Variants in DZIP3 observed in about 807,000 individuals in gnomAD.
The protein encoded by DZIP3 is DAZ interacting zinc finger protein 3.
A neutral mutation model predicts 162.0 loss-of-function variants in DZIP3; 118 were observed. That is an observed-to-expected ratio of 0.73 (90% CI 0.63 to 0.85). The LOEUF (loss-of-function observed/expected upper bound fraction) is 0.85, where lower values mean the gene tolerates loss of function less well. Among genes scored for constraint, DZIP3 ranks in the 40% least tolerant of loss-of-function variants. The pLI, the probability that DZIP3 is intolerant of heterozygous loss-of-function variation, is 0.00. For missense variants in DZIP3, 1,331 were observed against 1,407.0 expected, an observed-to-expected ratio of 0.95 and a Z score of 0.86; for synonymous variants, 438 against 458.6, an observed-to-expected ratio of 0.96 and a Z score of 0.57.
intron 10 of DZIP3, 23 bp from the exon 11 acceptor site, chr3:108,636,592 AT>A (rs761676157): frequency 3.5e-6 from 5 of 1,445,476 alleles, no homozygotes; most frequent in African/African-American, 1.6e-5. Flanking sequence ...TTCTATTTTT[AT>A]TTTTTTCTAT....
chr3:108,646,696 G>T (rs1942636640), intron 15 of DZIP3, 47 bp downstream of exon 15: 4 of 1,296,534 alleles, frequency 3.1e-6, no homozygotes, highest in African/African-American at 1.6e-5. Context: ...TTTAACAAGG[G>T]ATACCTATGA....
At position 108,692,399 on chromosome 3, in the gene DZIP3, A is replaced by G. The variant is rs143772970; in HGVS notation, c.*7-961A>G. Among the ~76,000 whole-genome samples the G allele has an allele frequency of 4.7e-3, 717 of 152,246 alleles. 3 individuals carry two copies. Among genetic ancestry groups the G allele is most frequent in the African/African-American group, 0.016 (654 of 41,560 alleles). On this transcript the variant is annotated intron_variant, in intron 32 of 32. Coordinates refer to ENST00000361582, the MANE Select transcript of DZIP3 (RefSeq NM_014648.4). ...ACAGCAAATGTACTCAGGCTTCTACACTAACATAAGCCCACGGAAATGAAA... is the reference window on the plus strand; with the variant it reads ...ACAGCAAATGTACTCAGGCTTCTACGCTAACATAAGCCCACGGAAATGAAA...
intron 19 of DZIP3, among the ~76,000 whole-genome samples, chr3:108,656,338 A>G (rs879935805): frequency 1.3e-5 from 2 of 152,146 alleles, no homozygotes; most frequent in Non-Finnish European, 2.9e-5. Flanking sequence ...CTGTTTACCA[A>G]TATCCACTGT....
chr3:108,593,037 A>G (rs1939515436), intron 1 of DZIP3, among the ~76,000 whole-genome samples: 2 of 116,798 alleles, frequency 1.7e-5, no homozygotes. Flanking sequence ...TTTGATATTC[A>G]TCATGTTTAA....
chr3:108,604,191 A>G (rs1160149904), intron 1 of DZIP3, among the ~76,000 whole-genome samples: 1 of 152,202 alleles, frequency 6.6e-6, no homozygotes, highest in Non-Finnish European at 1.5e-5. Flanking sequence ...ATATGCTGTT[A>G]CAGAAATGGC....
intron 10 of DZIP3, among the ~76,000 whole-genome samples, chr3:108,636,208 A>C (rs1942141445): frequency 6.6e-6 from 1 of 152,004 alleles, no homozygotes; most frequent in Non-Finnish European, 1.5e-5. Flanking sequence ...AAAAATAAGT[A>C]ATTTAACCAA....
chr3:108,617,634 A>G (rs916478423), intron 5 of DZIP3, among the ~76,000 whole-genome samples: 2 of 152,224 alleles, frequency 1.3e-5, no homozygotes, highest in African/African-American at 4.8e-5. Flanking sequence ...ATGTACAAAG[A>G]GACGGAAAAA....
At chr3:108,635,132 TTCTC>T (rs1177976957) in intron 10 of DZIP3, among the ~76,000 whole-genome samples, 160 bp downstream of exon 10, 1 of 152,014 alleles carries the variant, frequency 6.6e-6, no homozygotes, top group Non-Finnish European at 1.5e-5. Context: ...TCTTTCCCAA[TTCTC>T]TCTGATGCTT....
At chr3:108,685,540 CT>C (rs1340616212) in intron 27 of DZIP3, among the ~76,000 whole-genome samples, 2 of 152,034 alleles carry the variant, frequency 1.3e-5, no homozygotes, top group Non-Finnish European at 2.9e-5. Context: ...CAAAAATACT[CT>C]GTTATTATAT....
chr3:108,628,967 T>C, intron 7 of DZIP3, 95 bp from the exon 8 acceptor site: 2 of 722,208 alleles, frequency 2.8e-6, no homozygotes, highest in Non-Finnish European at 4.5e-6. Context: ...CACCACCCTA[T>C]TTACCACAAA....
chr3:108,619,617 C>T (rs1941220523), intron 5 of DZIP3, among the ~76,000 whole-genome samples: 2 of 152,126 alleles, frequency 1.3e-5, no homozygotes, highest in Admixed American at 6.5e-5. Flanking sequence ...ATGAATTCTT[C>T]CTTCCTCTAC....
At chr3:108,692,270 C>T (rs1944727866) in intron 32 of DZIP3, among the ~76,000 whole-genome samples, 1 of 152,102 alleles carries the variant, frequency 6.6e-6, no homozygotes, top group South Asian at 2.1e-4. Context: ...CATAGACAGA[C>T]TGGCTATTGG....
chr3:108,646,191 A>G (rs576716304), intron 14 of DZIP3, among the ~76,000 whole-genome samples: 10 of 152,264 alleles, frequency 6.6e-5, no homozygotes, highest in African/African-American at 2.4e-4. Flanking sequence ...AGCCTGATGT[A>G]CATTGTAGGT....
chr3:108,589,550 G>A (rs1309274753), upstream of DZIP3: 24 of 504,988 alleles, frequency 4.8e-5, no homozygotes, highest in Non-Finnish European at 7.4e-5. Flanking sequence ...GGTGACGGCC[G>A]GGGTGGGCCA....
intron 5 of DZIP3, among the ~76,000 whole-genome samples, chr3:108,619,083 A>AAG (rs1559731313): frequency 6.7e-6 from 1 of 149,898 alleles, no homozygotes; most frequent in African/African-American, 2.5e-5. Flanking sequence ...AAAAAAAAAA[A>AAG]AAAGAAAGCT....
intron 19 of DZIP3, among the ~76,000 whole-genome samples, chr3:108,657,545 G>A (rs1458614323): frequency 6.6e-6 from 1 of 152,168 alleles, no homozygotes; most frequent in Non-Finnish European, 1.5e-5. Context: ...ATGCCAAATT[G>A]TAAAGACCAT....
chr3:108,664,315 G>A (rs1425263369), intron 21 of DZIP3, among the ~76,000 whole-genome samples: 2 of 152,156 alleles, frequency 1.3e-5, no homozygotes, highest in African/African-American at 4.8e-5. Context: ...ACACACCAGT[G>A]GCCCCACACC....
In DZIP3 at chr3:108,669,665, T is replaced by A; in HGVS notation, c.2424-16T>A. The stretch of plus-strand genomic sequence containing the variant: ...TAATTTCTAACATCTTTTGACTTTC[T>A]TGCTTGTTTGCTTAGATTACAGCGT... On this transcript the variant is annotated splice_polypyrimidine_tract_variant and intron_variant, in intron 21 of 32. Coordinates refer to ENST00000361582, the MANE Select transcript of DZIP3 (RefSeq NM_014648.4). 6.2e-7 allele frequency: 1 copy of A among 1,609,224 alleles called. No individual in the cohort carries two copies. Among genetic ancestry groups the A allele is most frequent in the South Asian group, 1.1e-5 (1 of 90,700 alleles).
intron 7 of DZIP3, among the ~76,000 whole-genome samples, chr3:108,627,922 AG>A (rs1442619670): frequency 6.6e-6 from 1 of 151,930 alleles, no homozygotes; most frequent in African/African-American, 2.4e-5. Flanking sequence ...CTCTGTCGCC[AG>A]GCTAGAGTGC....
Sources: gnomAD v4.1 joint callset for allele counts (sites outside exome capture counted in the v4.1 genomes callset) on GRCh38, gnomAD v4.1.1 for gene constraint, MANE v1.5 for transcripts, NCBI Gene and HGNC (gene_info 2026-07-23, HGNC 2026-07-21) for gene names.